LRRC3B: variants seen among roughly 807,000 people sequenced by gnomAD.
The protein encoded by LRRC3B is leucine rich repeat containing 3B, also known as leucine-rich repeat-containing protein 3B.
LRRC3B carries 2 observed loss-of-function variants against 12.8 expected under a neutral mutation model. That is an observed-to-expected ratio of 0.16 (90% CI 0.06 to 0.49). LRRC3B has a LOEUF of 0.49. Among genes scored for constraint, LRRC3B ranks in the 20% least tolerant of loss-of-function variants. LRRC3B has a pLI of 0.96. For synonymous variants in LRRC3B, 132 were observed against 122.0 expected (o/e 1.08, Z -0.54); for missense variants, 189 against 319.4 (o/e 0.59, Z 3.11).
chr3:26,648,436 CTT>C (rs1010921161), intron 1 of LRRC3B, among the ~76,000 whole-genome samples: 2 of 150,866 alleles, frequency 1.3e-5, no homozygotes, highest in African/African-American at 2.4e-5. Flanking sequence ...ATGAAAAGGG[CTT>C]TTTTTTTGTT....
At position 26,649,723 on chromosome 3, in the gene LRRC3B, AAG is replaced by A. The variant is rs377108982; in HGVS notation, c.-161+26487_-161+26488del. On this transcript the variant is annotated intron_variant, in intron 1 of 1. Coordinates refer to ENST00000396641, the Ensembl canonical transcript of LRRC3B. ...CCACTTTAATTTGGTTACTTCCTTT[AAG>A]GCATTTGGTAACCTTAAACTATCTA... is the stretch of plus-strand genomic sequence containing the variant. Among the ~76,000 whole-genome samples the A allele has an allele frequency of 7.9e-5, 12 of 152,218 alleles. No individual in the cohort carries two copies. The South Asian group carries it at 1.9e-3, about 24-fold the overall frequency.
chr3:26,708,245 C>A, intron 1 of LRRC3B, among the ~76,000 whole-genome samples: 1 of 152,174 alleles, frequency 6.6e-6, no homozygotes, highest in East Asian at 1.9e-4. Flanking sequence ...CTAAGTCAGG[C>A]ATGGGTTCCC....
At chr3:26,689,758 C>T (rs1270221957) in intron 1 of LRRC3B, among the ~76,000 whole-genome samples, 1 of 152,204 alleles carries the variant, frequency 6.6e-6, no homozygotes, top group East Asian at 1.9e-4. Context: ...CTTCATTGAG[C>T]AAACATATTC....
At chr3:26,679,228 G>A (rs548877669) in intron 1 of LRRC3B, among the ~76,000 whole-genome samples, 10 of 152,182 alleles carry the variant, frequency 6.6e-5, no homozygotes, top group Non-Finnish European at 1.2e-4. Context: ...TGGTGTGACC[G>A]CAACAGCCAG....
At chr3:26,662,470 C>G (rs775024013) in intron 1 of LRRC3B, among the ~76,000 whole-genome samples, 57 of 152,172 alleles carry the variant, frequency 3.7e-4, no homozygotes, top group South Asian at 6.2e-4. Context: ...CCTGCTATAC[C>G]CTGGCAGCCC....
At chr3:26,671,011 CTTTTTTTTTT>C (rs762788262) in intron 1 of LRRC3B, among the ~76,000 whole-genome samples, 2 of 95,548 alleles carry the variant, frequency 2.1e-5, no homozygotes, top group Non-Finnish European at 1.9e-5. Context: ...TCTCATGTAT[CTTTTTTTTTT>C]TTTTTTTTTT....
At chr3:26,652,005 T>C (rs1001468286) in intron 1 of LRRC3B, among the ~76,000 whole-genome samples, 3 of 152,168 alleles carry the variant, frequency 2.0e-5, no homozygotes, top group Non-Finnish European at 4.4e-5. Context: ...AAAATTGGAT[T>C]TGAACCCAGG....
chr3:26,629,045 T>C (rs1222246848), intron 1 of LRRC3B, among the ~76,000 whole-genome samples: 1 of 152,208 alleles, frequency 6.6e-6, no homozygotes, highest in Non-Finnish European at 1.5e-5. Context: ...AGGTGCCTTT[T>C]ATTAGAAATA....
rs1382393839 is a variant in LRRC3B at position 26,636,878 on chromosome 3, CTTCCTTCCTT to C, written c.-161+13643_-161+13652del. Among the ~76,000 whole-genome samples the C allele has an allele frequency of 1.5e-3, 158 of 107,174 alleles. 6 individuals carry two copies. The highest frequency in any genetic ancestry group is 6.6e-3 in the African/African-American group (146 of 22,042). 70.3% of individuals were successfully genotyped at this position (107,174 alleles called of 152,430 possible). ...CCTCCCTCCCTCCCTTCCTTCCTTCCTTCCTTCCTTTCTCTCTCTCTCTCTTTCTCTCTTT... is the reference window on the plus strand; with the variant it reads ...CCTCCCTCCCTCCCTTCCTTCCTTCCTCTCTCTCTCTCTCTTTCTCTCTTT... On this transcript the variant is annotated intron_variant, in intron 1 of 1. Transcript: ENST00000396641.
chr3:26,636,962 CTT>C (rs1559350405), intron 1 of LRRC3B, among the ~76,000 whole-genome samples: 1,973 of 123,854 alleles, frequency 0.016, 21 homozygotes, highest in Middle Eastern at 0.037. Context: ...TTCTTTCTTT[CTT>C]TCTTTCTTTC....
intron 1 of LRRC3B, among the ~76,000 whole-genome samples, chr3:26,638,943 G>A (rs1439428258): frequency 1.3e-5 from 2 of 152,210 alleles, no homozygotes; most frequent in Non-Finnish European, 2.9e-5. Flanking sequence ...TACCCTGAAG[G>A]TTGCTTTGTA....
At chr3:26,703,848 A>G (rs972370004) in intron 1 of LRRC3B, among the ~76,000 whole-genome samples, 2 of 151,946 alleles carry the variant, frequency 1.3e-5, no homozygotes, top group Admixed American at 1.3e-4. Flanking sequence ...CTTGGCCACC[A>G]TTGTTCAACT....
At chr3:26,664,602 A>T (rs1247832054) in intron 1 of LRRC3B, among the ~76,000 whole-genome samples, 2 of 152,140 alleles carry the variant, frequency 1.3e-5, no homozygotes, top group Non-Finnish European at 2.9e-5. Context: ...AATTATTAGG[A>T]AGTGGTCCTG....
At chr3:26,679,261 T>G (rs1421373531) in intron 1 of LRRC3B, among the ~76,000 whole-genome samples, 1 of 152,198 alleles carries the variant, frequency 6.6e-6, no homozygotes, top group Non-Finnish European at 1.5e-5. Flanking sequence ...AATATGTAAA[T>G]CAGTTCATCT....
intron 1 of LRRC3B, among the ~76,000 whole-genome samples, chr3:26,667,678 CATATA>C (rs1198945042): frequency 1.3e-5 from 2 of 152,108 alleles, no homozygotes; most frequent in Non-Finnish European, 2.9e-5. Flanking sequence ...CTGGAAATAT[CATATA>C]ATATTTTCTT....
intron 1 of LRRC3B, among the ~76,000 whole-genome samples, chr3:26,647,570 T>C (rs937753172): frequency 6.6e-6 from 1 of 152,232 alleles, no homozygotes; most frequent in Non-Finnish European, 1.5e-5. Flanking sequence ...CTTCCCTACC[T>C]GTCCATGAAG....
At chr3:26,710,263 C>A (rs754186119) in exon 2 of LRRC3B, 1 of 1,613,846 alleles carries the variant, frequency 6.2e-7, no homozygotes, top group Admixed American at 1.7e-5. Flanking sequence ...TTTGTAACCT[C>A]CCTAAAAAAA....
chr3:26,636,187 A>G (rs769820753), intron 1 of LRRC3B, among the ~76,000 whole-genome samples: 1 of 152,210 alleles, frequency 6.6e-6, no homozygotes, highest in East Asian at 1.9e-4. Context: ...GGAGCTGCTG[A>G]CCTGCCAAAA....
At chr3:26,666,614 T>C (rs1159992510) in intron 1 of LRRC3B, among the ~76,000 whole-genome samples, 1 of 152,130 alleles carries the variant, frequency 6.6e-6, no homozygotes, top group East Asian at 1.9e-4. Context: ...AACAGGGAGT[T>C]CCTATATAAC....
Sources: gnomAD v4.1 joint callset for allele counts (sites outside exome capture counted in the v4.1 genomes callset) on GRCh38, gnomAD v4.1.1 for gene constraint, MANE v1.5 for transcripts, NCBI Gene and HGNC (gene_info 2026-07-23, HGNC 2026-07-21) for gene names.